Variants in TMEM132C observed in about 807,000 individuals in gnomAD.
The protein encoded by TMEM132C is transmembrane protein 132C, also known as protein phosphatase 1, regulatory subunit 152.
In TMEM132C, 29 loss-of-function variants were observed where a neutral mutation model predicts 61.4. The observed-to-expected ratio is 0.47, with a 90% confidence interval of 0.35 to 0.64. The LOEUF (loss-of-function observed/expected upper bound fraction) is 0.64. Among genes scored for constraint, TMEM132C ranks in the 30% least tolerant of loss-of-function variants. The pLI is 0.00. For missense variants in TMEM132C, 1,408 were observed against 1,476.9 expected, an observed-to-expected ratio of 0.95 and a Z score of 0.76; for synonymous variants, 656 against 633.1, an observed-to-expected ratio of 1.04 and a Z score of -0.54.
intron 3 of TMEM132C, among the ~76,000 whole-genome samples, chr12:128,567,038 C>T (rs529588422): frequency 4.6e-5 from 7 of 152,186 alleles, no homozygotes; most frequent in African/African-American, 1.7e-4. Flanking sequence ...AACTTGGGAA[C>T]AAAATACCAA....
At chr12:128,584,800 G>A (rs552331421) in intron 3 of TMEM132C, among the ~76,000 whole-genome samples, 39 of 152,238 alleles carry the variant, frequency 2.6e-4, no homozygotes, top group East Asian at 1.2e-3. Context: ...GGCGAGGGCC[G>A]GGGGGTCTTT....
chr12:128,295,002 G>A (rs1434487416), intron 1 of TMEM132C, among the ~76,000 whole-genome samples: 1 of 150,354 alleles, frequency 6.7e-6, no homozygotes, highest in Non-Finnish European at 1.5e-5. Context: ...TAGATAGATA[G>A]GTAGATAGAT....
intron 2 of TMEM132C, among the ~76,000 whole-genome samples, chr12:128,465,212 T>C (rs1158475464): frequency 1.3e-5 from 2 of 151,830 alleles, no homozygotes; most frequent in Non-Finnish European, 2.9e-5. Flanking sequence ...TTTTTTTTTT[T>C]TTTTGAGACA....
At chr12:128,671,487 C>T (rs559809786) in intron 5 of TMEM132C, among the ~76,000 whole-genome samples, 4 of 152,250 alleles carry the variant, frequency 2.6e-5, no homozygotes, top group South Asian at 2.1e-4. Flanking sequence ...AAAAAGCATT[C>T]GGGTAGTGAT....
chr12:128,649,714 T>C (rs922235615), intron 4 of TMEM132C, among the ~76,000 whole-genome samples: 2 of 152,222 alleles, frequency 1.3e-5, no homozygotes, highest in African/African-American at 2.4e-5. Flanking sequence ...AAAAATGCCA[T>C]TTCTCAGGCA....
At chr12:128,480,326 G>A (rs1258562308) in intron 2 of TMEM132C, among the ~76,000 whole-genome samples, 1 of 152,212 alleles carries the variant, frequency 6.6e-6, no homozygotes, top group Non-Finnish European at 1.5e-5. Flanking sequence ...TTTGGCTTCT[G>A]TGATTATTCT....
chr12:128,625,717 C>G (rs11059798), intron 4 of TMEM132C, among the ~76,000 whole-genome samples: 52,998 of 152,116 alleles, frequency 0.35, 11,657 homozygotes, highest in African/African-American at 0.63. Context: ...CAACATGTAC[C>G]AATTATGGGA....
rs571820735 is a variant in TMEM132C at position 128,492,067 on chromosome 12, T to G, written c.975-51890T>G. Among the ~76,000 whole-genome samples, 5 of 152,274 alleles carry G rather than the reference T, an allele frequency of 3.3e-5. No homozygotes were observed. The East Asian group carries it at 9.7e-4, about 29-fold the overall frequency. ...TTCCTGTGTCCAAGCATTCTCATGG[T>G]TCAATTCCCACCTATGAGTGAGAAC... On this transcript the variant is annotated intron_variant, in intron 2 of 8. Transcript: ENST00000435159.
intron 2 of TMEM132C, among the ~76,000 whole-genome samples, chr12:128,528,584 G>A (rs1192170890): frequency 3.9e-5 from 6 of 152,098 alleles, no homozygotes; most frequent in Non-Finnish European, 7.3e-5. Context: ...AGTACTGTCC[G>A]TATCTGGGGC....
chr12:128,596,352 C>G (rs1026645995), intron 3 of TMEM132C, among the ~76,000 whole-genome samples: 1 of 150,588 alleles, frequency 6.6e-6, no homozygotes, highest in African/African-American at 2.5e-5. Flanking sequence ...CACTGGGCTG[C>G]CCCTTTCGCA....
intron 3 of TMEM132C, among the ~76,000 whole-genome samples, chr12:128,553,909 G>A (rs1874252430): frequency 6.6e-6 from 1 of 152,240 alleles, no homozygotes; most frequent in Admixed American, 6.5e-5. Context: ...GACCCCGCGT[G>A]GTGCCCCTTT....
chr12:128,648,334 T>C (rs542259188), intron 4 of TMEM132C, among the ~76,000 whole-genome samples: 11 of 148,332 alleles, frequency 7.4e-5, no homozygotes, highest in South Asian at 2.1e-4. Flanking sequence ...TTTACTGGAG[T>C]CCATCAGCAT....
At chr12:128,667,311 G>A (rs1211851104) in intron 4 of TMEM132C, among the ~76,000 whole-genome samples, 2 of 152,158 alleles carry the variant, frequency 1.3e-5, no homozygotes, top group Non-Finnish European at 2.9e-5. Context: ...ATTAGCCAAA[G>A]ACCATTCTGA....
intron 1 of TMEM132C, chr12:128,289,136 A>C (rs1257167235): frequency 6.9e-6 from 1 of 143,964 alleles, no homozygotes; most frequent in Admixed American, 7.2e-5. Flanking sequence ...GCTAACACAC[A>C]CTGTAATGCA....
intron 2 of TMEM132C, among the ~76,000 whole-genome samples, chr12:128,422,162 T>C (rs977237008): frequency 2.6e-5 from 4 of 152,184 alleles, no homozygotes; most frequent in Non-Finnish European, 1.5e-5. Context: ...CACTGCCACC[T>C]CAGTGTACCT....
chr12:128,670,357 C>CA (rs1480111608), intron 5 of TMEM132C, among the ~76,000 whole-genome samples: 3 of 151,988 alleles, frequency 2.0e-5, no homozygotes, highest in African/African-American at 4.8e-5. Flanking sequence ...CATATTATAC[C>CA]AAAAAATTGC....
intron 1 of TMEM132C, among the ~76,000 whole-genome samples, chr12:128,364,495 C>G (rs1043988915): frequency 6.6e-6 from 1 of 152,182 alleles, no homozygotes; most frequent in Non-Finnish European, 1.5e-5. Context: ...AGATTCGCTG[C>G]CTGGACCCTG....
intron 4 of TMEM132C, among the ~76,000 whole-genome samples, chr12:128,639,092 G>A (rs1272553798): frequency 6.7e-6 from 1 of 149,002 alleles, no homozygotes. Flanking sequence ...TGATGATGAT[G>A]ATGGTGTTGA....
chr12:128,491,291 T>C (rs7136651), intron 2 of TMEM132C, among the ~76,000 whole-genome samples: 64,284 of 151,782 alleles, frequency 0.42, 13,859 homozygotes, highest in East Asian at 0.58. Context: ...TGAAATACAA[T>C]AGCGTTGAGG....
Sources: gnomAD v4.1 joint callset for allele counts (sites outside exome capture counted in the v4.1 genomes callset) on GRCh38, gnomAD v4.1.1 for gene constraint, MANE v1.5 for transcripts, NCBI Gene and HGNC (gene_info 2026-07-23, HGNC 2026-07-21) for gene names.